Variants in SLCO3A1 observed in about 807,000 individuals in gnomAD.
SLCO3A1 encodes the protein solute carrier organic anion transporter family member 3A1.
Under a neutral mutation model 63.1 loss-of-function variants are expected in SLCO3A1, and 27 were observed. That is an observed-to-expected ratio of 0.43 (90% CI 0.32 to 0.59). The LOEUF is 0.59. Among genes scored for constraint, SLCO3A1 ranks in the 20% least tolerant of loss-of-function variants. The pLI, the probability that SLCO3A1 is intolerant of heterozygous loss-of-function variation, is 0.09. For missense variants in SLCO3A1, 773 were observed against 945.8 expected, an observed-to-expected ratio of 0.82 and a Z score of 2.40; for synonymous variants, 473 against 409.9, an observed-to-expected ratio of 1.15 and a Z score of -1.86.
rs1297970915 is a variant in SLCO3A1, at chr15:91,886,993, G to A, written c.181-29000G>A. The stretch of plus-strand genomic sequence containing the variant: ...TATTCTCCCCTCTTTGTTTCTGCCT[G>A]TGTCTGTATATTGGCCAAGCCCATT... On this transcript the variant is annotated intron_variant, in intron 1 of 9. Transcript: ENST00000318445. This position sits in a 1 kb window ranked among gnomAD's most constrained non-coding sequence, Gnocchi z 4.9. Among the ~76,000 whole-genome samples the A allele has an allele frequency of 6.6e-6, 1 of 152,186 alleles. No homozygotes were observed. Among genetic ancestry groups the A allele is most frequent in the African/African-American group, 2.4e-5 (1 of 41,448 alleles).
rs1051841285 is a variant in SLCO3A1 at position 92,128,505 on chromosome 15, A to G, written c.1512+16A>G. On this transcript the variant is annotated intron_variant, in intron 7 of 9. Transcript: ENST00000318445. ...CAACAGCACGGTAATGGGATGGGGC[A>G]GGGGATGGGGCAGGGGATTCAGGCA... The G allele has an allele frequency of 1.9e-6, 3 of 1,562,016 alleles. No individual in the cohort carries two copies. In the African/African-American group the frequency reaches 5.8e-5, roughly 30 times the overall value.
intron 2 of SLCO3A1, among the ~76,000 whole-genome samples, chr15:91,936,086 G>A (rs971129323): frequency 6.6e-6 from 1 of 152,186 alleles, no homozygotes; most frequent in Non-Finnish European, 1.5e-5. Context: ...GACTAGCTCT[G>A]TAGCTTAGCT....
intron 2 of SLCO3A1, among the ~76,000 whole-genome samples, chr15:91,983,156 A>G (rs951949400): frequency 9.9e-5 from 15 of 152,244 alleles, no homozygotes; most frequent in African/African-American, 3.6e-4. Context: ...CCTTTGCTGT[A>G]GTGATCAATA....
intron 2 of SLCO3A1, among the ~76,000 whole-genome samples, chr15:91,972,349 C>T (rs951878056): frequency 2.0e-5 from 3 of 151,944 alleles, no homozygotes; most frequent in Admixed American, 1.3e-4. Context: ...CAACAGAACT[C>T]GAATAGGTCA....
At position 91,916,799 on chromosome 15, in the gene SLCO3A1, A is replaced by T. The variant is rs1234285437; in HGVS notation, c.646+341A>T. Among the ~76,000 whole-genome samples the T allele has an allele frequency of 6.6e-6, 1 of 152,164 alleles. No homozygotes were observed. Among genetic ancestry groups the T allele is most frequent in the East Asian group, 1.9e-4 (1 of 5,186 alleles). The stretch of plus-strand genomic sequence containing the variant: ...GCTTTCTGATATTAGCCACCAAGGT[A>T]TACTTGGGGTCTACACATTGGAAAC... On this transcript the variant is annotated intron_variant, in intron 2 of 9. Coordinates refer to ENST00000318445, the MANE Select transcript of SLCO3A1 (RefSeq NM_013272.4). This position sits in a 1 kb window ranked among gnomAD's most constrained non-coding sequence, Gnocchi z 6.2.
chr15:92,155,011 G>T (rs978968987), intron 9 of SLCO3A1, among the ~76,000 whole-genome samples: 2 of 152,210 alleles, frequency 1.3e-5, no homozygotes, highest in African/African-American at 4.8e-5. Flanking sequence ...AGGGACAGGG[G>T]TCAAGAGCGT....
intron 2 of SLCO3A1, among the ~76,000 whole-genome samples, chr15:91,982,367 C>T (rs1472896254): frequency 1.3e-5 from 2 of 152,202 alleles, no homozygotes; most frequent in South Asian, 2.1e-4. Flanking sequence ...GGCTTGTAGG[C>T]GAAAGAGTTG....
chr15:92,110,225 G>T (rs1383360547), intron 4 of SLCO3A1, among the ~76,000 whole-genome samples: 1 of 152,100 alleles, frequency 6.6e-6, no homozygotes, highest in Non-Finnish European at 1.5e-5. Flanking sequence ...GAGTTCAGCT[G>T]ATTTTGCCAC....
chr15:91,932,596 C>T (rs1899274889), intron 2 of SLCO3A1, among the ~76,000 whole-genome samples: 1 of 152,134 alleles, frequency 6.6e-6, no homozygotes, highest in Non-Finnish European at 1.5e-5. Flanking sequence ...GCATGTGCCA[C>T]CATACCCAGC....
chr15:92,132,269 T>C (rs528650140), intron 7 of SLCO3A1, among the ~76,000 whole-genome samples: 1 of 146,068 alleles, frequency 6.8e-6, no homozygotes, highest in African/African-American at 2.5e-5. Context: ...TAATTCTGAT[T>C]ATAGGGAAAT....
chr15:91,967,444 G>A lies in SLCO3A1; in HGVS notation c.646+50986G>A, dbSNP rs1316744728. Among the ~76,000 whole-genome samples the A allele has an allele frequency of 6.6e-6, 1 of 152,114 alleles. No homozygotes were observed. Among genetic ancestry groups the A allele is most frequent in the South Asian group, 2.1e-4 (1 of 4,824 alleles). ...TCTGTGGTAGAATGTCCCTCCTCTG[G>A]TTATGCTTTTCTTTGGCTAATAGTA... On this transcript the variant is annotated intron_variant, in intron 2 of 9. Coordinates refer to ENST00000318445, the MANE Select transcript of SLCO3A1 (RefSeq NM_013272.4). This position sits in a 1 kb window ranked among gnomAD's most constrained non-coding sequence, Gnocchi z 4.4.
chr15:92,146,233 GGAGT>G (rs1284219697), intron 7 of SLCO3A1, among the ~76,000 whole-genome samples: 2 of 152,196 alleles, frequency 1.3e-5, no homozygotes, highest in Admixed American at 6.5e-5. Context: ...AGAAATTCCT[GGAGT>G]GAGTGGGGGA....
chr15:91,924,426 C>T (rs1242194190), intron 2 of SLCO3A1, among the ~76,000 whole-genome samples: 1 of 152,208 alleles, frequency 6.6e-6, no homozygotes, highest in Non-Finnish European at 1.5e-5. Flanking sequence ...AGCTCAAACA[C>T]ACACGGTAGC....
intron 2 of SLCO3A1, among the ~76,000 whole-genome samples, chr15:92,065,384 G>C (rs746898031): frequency 2.0e-5 from 3 of 152,064 alleles, no homozygotes; most frequent in Non-Finnish European, 4.4e-5. Context: ...CACCACACCC[G>C]GCCATTTACC....
In SLCO3A1 at chr15:92,097,108, G is replaced by C. The variant is rs74030475; in HGVS notation, c.745+2129G>C. On this transcript the variant is annotated intron_variant, in intron 3 of 9. Transcript: ENST00000318445. ...TGAAGGGTAGCAAAGTGGCCAGATAGCATATTTTGCCCTCAGTGCTATCAG... is the reference window on the plus strand; with the variant it reads ...TGAAGGGTAGCAAAGTGGCCAGATACCATATTTTGCCCTCAGTGCTATCAG... Among the ~76,000 whole-genome samples the C allele has an allele frequency of 3.8e-3, 583 of 152,310 alleles. 1 individual carries two copies. The highest frequency in any genetic ancestry group is 0.014 in the African/African-American group (563 of 41,570).
At chr15:91,949,863 T>C (rs531278858) in intron 2 of SLCO3A1, among the ~76,000 whole-genome samples, 2 of 151,964 alleles carry the variant, frequency 1.3e-5, no homozygotes, top group African/African-American at 2.4e-5. Context: ...GCAAGCAAGC[T>C]GAGCGTGGTG....
At chr15:91,905,323 C>G (rs1420738413) in intron 1 of SLCO3A1, among the ~76,000 whole-genome samples, 1 of 152,162 alleles carries the variant, frequency 6.6e-6, no homozygotes, top group African/African-American at 2.4e-5. Flanking sequence ...TGTGGGATAT[C>G]CAGAGCCCTC....
intron 4 of SLCO3A1, among the ~76,000 whole-genome samples, chr15:92,107,971 A>G (rs914574409): frequency 6.6e-6 from 1 of 152,200 alleles, no homozygotes; most frequent in Non-Finnish European, 1.5e-5. Context: ...ATTCCTGTCT[A>G]TAGATGAGAA....
intron 1 of SLCO3A1, among the ~76,000 whole-genome samples, chr15:91,904,421 A>C (rs1372043633): frequency 2.2e-5 from 3 of 133,368 alleles, no homozygotes; most frequent in Non-Finnish European, 5.4e-5. Context: ...GGTGCGTGAT[A>C]CATTGCAAAT....
Sources: allele counts gnomAD v4.1 joint callset (sites outside exome capture counted in the v4.1 genomes callset), GRCh38; gene constraint gnomAD v4.1.1; non-coding constraint Gnocchi (gnomAD v3.1); transcripts MANE v1.5; gene names NCBI Gene and HGNC (gene_info 2026-07-23, HGNC 2026-07-21).